CLTCL1: variants seen among roughly 807,000 people sequenced by gnomAD.
CLTCL1 encodes clathrin heavy chain like 1, also known as clathrin heavy chain 2.
Under a neutral mutation model 190.0 loss-of-function variants are expected in CLTCL1, and 159 were observed. That is an observed-to-expected ratio of 0.84 (90% CI 0.74 to 0.95). CLTCL1 has a LOEUF of 0.95. CLTCL1 is among the 40% of genes least tolerant of loss of function. The probability of loss-of-function intolerance (pLI) is 0.00; values close to 1 mark genes in which losing one functional copy is unlikely to be tolerated. For missense variants in CLTCL1, 1,878 were observed against 2,033.4 expected, an observed-to-expected ratio of 0.92 and a Z score of 1.47; for synonymous variants, 752 against 769.6, an observed-to-expected ratio of 0.98 and a Z score of 0.38.
intron 18 of CLTCL1, among the ~76,000 whole-genome samples, chr22:19,219,547 G>A (rs772420964): frequency 2.7e-5 from 4 of 149,126 alleles, no homozygotes; most frequent in Admixed American, 2.0e-4. Flanking sequence ...GCAGTGGCAC[G>A]ATGTCGGCTC....
intron 2 of CLTCL1, among the ~76,000 whole-genome samples, chr22:19,261,846 C>T (rs1319182193): frequency 1.3e-5 from 2 of 152,134 alleles, no homozygotes; most frequent in East Asian, 1.9e-4. Flanking sequence ...TAGAACAGTA[C>T]ATAAACTTAC....
At position 19,221,983 on chromosome 22, in the gene CLTCL1, A is replaced by G. The variant is rs781912252; in HGVS notation, c.2529T>C (p.Asp843=). 1 of 1,612,906 alleles carries G rather than the reference A, an allele frequency of 6.2e-7. No homozygotes were observed. Among genetic ancestry groups the G allele is most frequent in the Non-Finnish European group, 8.5e-7 (1 of 1,178,884 alleles). The part of the protein sequence containing the change: ...IMAVRGQFST[D]ELVAEVEKRN... ...TTTTTTCTACTTCAGCCACCAACTCATCAGTAGAGAACTGTCCTCTCACTG... is the reference window on the plus strand; with the variant it reads ...TTTTTTCTACTTCAGCCACCAACTCGTCAGTAGAGAACTGTCCTCTCACTG... Residue 843 remains aspartate, a synonymous_variant, in exon 16 of 33, where the codon GAT becomes GAC. Transcript: ENST00000427926.
intron 3 of CLTCL1, among the ~76,000 whole-genome samples, chr22:19,247,209 C>T (rs552378447): frequency 6.6e-6 from 1 of 152,266 alleles, no homozygotes; most frequent in South Asian, 2.1e-4. Context: ...CATTCTTTTG[C>T]ATGTGGATAT....
At chr22:19,238,823 G>A (rs1218918834) in intron 5 of CLTCL1, 9 of 154,350 alleles carry the variant, frequency 5.8e-5, no homozygotes, top group African/African-American at 2.2e-4. Context: ...CAATTGTAAA[G>A]GAAATAAGTG....
chr22:19,212,894 C>A (rs2097350036), intron 19 of CLTCL1, among the ~76,000 whole-genome samples: 1 of 152,086 alleles, frequency 6.6e-6, no homozygotes, highest in African/African-American at 2.4e-5. Flanking sequence ...AAGGAAATAA[C>A]AGAAAATCTC....
intron 3 of CLTCL1, among the ~76,000 whole-genome samples, chr22:19,252,034 T>C (rs1415739331): frequency 6.6e-6 from 1 of 152,192 alleles, no homozygotes; most frequent in Non-Finnish European, 1.5e-5. Flanking sequence ...CTTCTGGGGG[T>C]TGCAGAAATG....
Position 19,196,157 on chromosome 22 carries a change from G to A in CLTCL1, c.4191+109C>T. The A allele has an allele frequency of 5.3e-6, 6 of 1,127,508 alleles. No individual in the cohort carries two copies. In the South Asian group the frequency reaches 9.0e-5, roughly 17 times the overall value. 69.8% of individuals were successfully genotyped at this position (1,127,508 alleles called of 1,614,324 possible). The stretch of plus-strand genomic sequence containing the variant: ...ACTCATACAAGTGAACGCACACACA[G>A]CATGGGGGCATGCTGGTACTCATTC... On this transcript the variant is annotated intron_variant, in intron 26 of 32. Coordinates refer to ENST00000427926, the MANE Select transcript of CLTCL1 (RefSeq NM_007098.4).
intron 7 of CLTCL1, among the ~76,000 whole-genome samples, chr22:19,234,229 T>C (rs901911976): frequency 6.6e-6 from 1 of 152,026 alleles, no homozygotes; most frequent in Non-Finnish European, 1.5e-5. Flanking sequence ...GAGTGGAAAA[T>C]GCTAAGTTAC....
At chr22:19,214,682 CTTT>C (rs35325953) in intron 19 of CLTCL1, among the ~76,000 whole-genome samples, 35 of 130,304 alleles carry the variant, frequency 2.7e-4, no homozygotes, top group Admixed American at 4.6e-4. Flanking sequence ...ATATATTTTG[CTTT>C]TTTTTTTTTT....
chr22:19,205,932 T>TG (rs2085035473), intron 22 of CLTCL1, among the ~76,000 whole-genome samples: 1 of 151,486 alleles, frequency 6.6e-6, no homozygotes. Context: ...AACCATTGTT[T>TG]TTTTTTTTTT....
chr22:19,247,638 G>A (rs1404198224), intron 3 of CLTCL1, among the ~76,000 whole-genome samples: 4 of 151,814 alleles, frequency 2.6e-5, no homozygotes, highest in African/African-American at 7.3e-5. Flanking sequence ...TCGGCTCACT[G>A]CAACCTCTGC....
At chr22:19,290,115 A>G (rs2088055244) in intron 1 of CLTCL1, among the ~76,000 whole-genome samples, 1 of 152,188 alleles carries the variant, frequency 6.6e-6, no homozygotes, top group Non-Finnish European at 1.5e-5. Flanking sequence ...GACATTACAA[A>G]TCCTGATGGA....
At chr22:19,201,955 G>C (rs186379377) in intron 22 of CLTCL1, among the ~76,000 whole-genome samples, 179 of 152,168 alleles carry the variant, frequency 1.2e-3, no homozygotes, top group Middle Eastern at 6.8e-3. Context: ...TGGGGACCTT[G>C]TTCTTCTCAC....
At chr22:19,221,158 G>A (rs568543167) in intron 17 of CLTCL1, among the ~76,000 whole-genome samples, 1 of 152,220 alleles carries the variant, frequency 6.6e-6, no homozygotes, top group East Asian at 1.9e-4. Flanking sequence ...TAAGCAGAGG[G>A]ATGATAAGTC....
intron 1 of CLTCL1, among the ~76,000 whole-genome samples, chr22:19,284,872 T>C (rs1160969913): frequency 6.6e-6 from 1 of 152,100 alleles, no homozygotes; most frequent in Non-Finnish European, 1.5e-5. Flanking sequence ...GGAGAATCGC[T>C]TGAACCGGGG....
Position 19,207,206 on chromosome 22 carries a change from G to A in CLTCL1, c.3600+948C>T, listed in dbSNP as rs554888024. On this transcript the variant is annotated intron_variant, in intron 22 of 32. Coordinates refer to ENST00000427926, the MANE Select transcript of CLTCL1 (RefSeq NM_007098.4). Reference sequence around the variant, plus strand: ...TAATTTTGTTATTTTTAGTAGAGACGGGGTTTTGCCATGTTGACCAGGTTG... The same window carrying A: ...TAATTTTGTTATTTTTAGTAGAGACAGGGTTTTGCCATGTTGACCAGGTTG... Among the ~76,000 whole-genome samples the A allele has an allele frequency of 4.0e-5, 6 of 151,894 alleles. No homozygotes were observed. The East Asian group carries it at 7.7e-4, about 20-fold the overall frequency.
Position 19,233,228 on chromosome 22 carries a change from T to C in CLTCL1, c.1459A>G (p.Lys487Glu). 6.2e-7 allele frequency: 1 copy of C among 1,614,032 alleles called. No homozygotes were observed. The highest frequency in any genetic ancestry group is 8.5e-7 in the Non-Finnish European group (1 of 1,179,878). The change falls in exon 9 of 33, where the codon AAA (lysine) becomes GAA (glutamate). Residue 487 changes from lysine to glutamate, a missense_variant. Transcript: ENST00000427926. ...SVYLRANVPS[K>E]VIQCFAETGQ... ...GTTTCTGCAAAACACTGGATCACTTTGCTTGGCACATTTGCCCGAAGGTAC... is the reference window on the plus strand; with the variant it reads ...GTTTCTGCAAAACACTGGATCACTTCGCTTGGCACATTTGCCCGAAGGTAC...
At chr22:19,231,368 T>A (rs1035528513) in intron 10 of CLTCL1, among the ~76,000 whole-genome samples, 1 of 152,176 alleles carries the variant, frequency 6.6e-6, no homozygotes, top group Non-Finnish European at 1.5e-5. Flanking sequence ...GGACCACAGG[T>A]GTGCACCACC....
chr22:19,182,900 A>C (rs2084186842), intron 30 of CLTCL1: 1 of 174,300 alleles, frequency 5.7e-6, no homozygotes, highest in Admixed American at 5.7e-5. Context: ...GATGAGGCAG[A>C]GAGTCATCCT....
Sources: allele counts gnomAD v4.1 joint callset (sites outside exome capture counted in the v4.1 genomes callset), GRCh38; gene constraint gnomAD v4.1.1; transcripts MANE v1.5; gene names NCBI Gene and HGNC (gene_info 2026-07-23, HGNC 2026-07-21).